Variants in ACSL4 observed in about 807,000 individuals in gnomAD.
The protein encoded by ACSL4 is long-chain-fatty-acid--CoA ligase 4.
A neutral mutation model predicts 49.1 loss-of-function variants in ACSL4; 9 were observed. The ratio of observed to expected loss-of-function variants is 0.18; its 90% confidence interval spans 0.11 to 0.32. ACSL4 has a LOEUF of 0.32. ACSL4 is among the 10% of genes least tolerant of loss of function. The pLI, the probability that ACSL4 is intolerant of heterozygous loss-of-function variation, is 1.00. For missense variants in ACSL4, 333 were observed against 493.7 expected (o/e 0.67, Z 3.08); for synonymous variants, 191 against 170.3 (o/e 1.12, Z -0.95).
intron 1 of ACSL4, among the ~76,000 whole-genome samples, chrX:109,712,802 T>C (rs1489386072): frequency 2.7e-5 from 3 of 110,729 alleles, no homozygotes; most frequent in Non-Finnish European, 3.8e-5. Context: ...TGGGGAAACC[T>C]TGTCTGTACA....
chrX:109,658,798 C>T (rs1921920412), intron 15 of ACSL4, among the ~76,000 whole-genome samples: 1 of 111,732 alleles, frequency 8.9e-6, no homozygotes, highest in Non-Finnish European at 1.9e-5. Flanking sequence ...CTCTCTATTG[C>T]TGTTAAGATT....
At chrX:109,661,696 TCTGA>T (rs1922193889) in intron 13 of ACSL4, 51 bp from the exon 14 acceptor site, 1 of 787,749 alleles carries the variant, frequency 1.3e-6, no homozygotes, top group African/African-American at 2.0e-5. Flanking sequence ...TATATGCAAT[TCTGA>T]CTGTCTTCTT....
Position 109,647,851 on chromosome X carries a change from G to T in ACSL4, c.1856-3665C>A, listed in dbSNP as rs868845064. ...AAATGATAAAGGGGATATCACCACC[G>T]ATCCCACAGAAATACAAACTACCAT... On this transcript the variant is annotated intron_variant, in intron 15 of 15. Transcript: ENST00000672401. Among the ~76,000 whole-genome samples the T allele has an allele frequency of 5.3e-3, 588 of 110,839 alleles. 6 individuals carry two copies. The highest frequency in any genetic ancestry group is 0.017 in the African/African-American group (505 of 30,473).
intron 1 of ACSL4, among the ~76,000 whole-genome samples, chrX:109,717,853 A>AT (rs35928030): frequency 2.8e-3 from 296 of 107,155 alleles, no homozygotes; most frequent in African/African-American, 9.3e-3. Context: ...TACACCTTTA[A>AT]TTTTTTTTTT....
At chrX:109,673,205 G>A (rs1452569657) in intron 9 of ACSL4, among the ~76,000 whole-genome samples, 1 of 111,786 alleles carries the variant, frequency 8.9e-6, no homozygotes, top group Non-Finnish European at 1.9e-5. Context: ...TTCTGAATGT[G>A]AAACAGTCCT....
intron 1 of ACSL4, among the ~76,000 whole-genome samples, chrX:109,706,042 G>A (rs1926332544): frequency 8.9e-6 from 1 of 112,469 alleles, no homozygotes; most frequent in East Asian, 2.8e-4. Flanking sequence ...CTTTTGAATA[G>A]GGGTATATAC....
intron 8 of ACSL4, 111 bp from the exon 9 acceptor site, chrX:109,674,584 G>T: frequency 1.8e-6 from 1 of 550,031 alleles, no homozygotes; most frequent in Non-Finnish European, 3.1e-6. Flanking sequence ...AGCTTTTATT[G>T]CTCTGTGATT....
Position 109,726,157 on chromosome X carries a change from C to T in ACSL4, c.-66+6982G>A, listed in dbSNP as rs1297045109. On this transcript the variant is annotated intron_variant, in intron 1 of 15. Transcript: ENST00000672401. ...CAAGCAGGCTTAGCACGGTGGCTCA[C>T]GCCTGTAATCCCAGCATTCTGGGAG... Among the ~76,000 whole-genome samples the T allele has an allele frequency of 1.7e-4, 19 of 112,549 alleles. 3 individuals carry two copies. The highest frequency in any genetic ancestry group is 1.1e-3 in the South Asian group (3 of 2,748).
chrX:109,673,024 T>C (rs1446361663), intron 9 of ACSL4, among the ~76,000 whole-genome samples: 9 of 111,614 alleles, frequency 8.1e-5, no homozygotes, highest in African/African-American at 2.9e-4. Flanking sequence ...GCACAGAACA[T>C]AGCCCCTCAA....
intron 8 of ACSL4, among the ~76,000 whole-genome samples, chrX:109,677,328 C>T (rs1333594396): frequency 9.1e-6 from 1 of 110,344 alleles, no homozygotes; most frequent in Non-Finnish European, 1.9e-5. Flanking sequence ...AGAAAAATCT[C>T]GGGAAAACTG....
intron 1 of ACSL4, among the ~76,000 whole-genome samples, chrX:109,729,500 C>T (rs1313337794): frequency 4.5e-5 from 5 of 111,902 alleles, no homozygotes; most frequent in Non-Finnish European, 9.4e-5. Flanking sequence ...TAAAATGGTA[C>T]AGCCACTCTG....
At chrX:109,679,427 A>T (rs1274694228) in intron 6 of ACSL4, among the ~76,000 whole-genome samples, 2 of 112,638 alleles carry the variant, frequency 1.8e-5, no homozygotes, top group Admixed American at 9.4e-5. Context: ...AATTATTTAC[A>T]TTTTTATATA....
In ACSL4 at chrX:109,644,149, T is replaced by A; in HGVS notation, c.1893A>T (p.Arg631=). The A allele has an allele frequency of 8.3e-7, 1 of 1,208,589 alleles. No individual in the cohort carries two copies. Among genetic ancestry groups the A allele is most frequent in the Non-Finnish European group, 1.1e-6 (1 of 893,777 alleles). The change falls in exon 16 of 16, where the codon CGA becomes CGT. Residue 631 remains arginine, a synonymous_variant. Coordinates refer to ENST00000672401, the MANE Select transcript of ACSL4 (RefSeq NM_001318510.2). ...CAGGGGTCCATGGCTCTGGGCTTAA[T>A]CGAACCTTGATTGGAATTTCAAATC... ...LERFEIPIKV[R]LSPEPWTPET... is the part of the protein sequence containing the mutation.
intron 1 of ACSL4, among the ~76,000 whole-genome samples, chrX:109,700,394 G>A (rs1447041943): frequency 3.8e-5 from 4 of 106,263 alleles, no homozygotes; most frequent in African/African-American, 1.0e-4. Flanking sequence ...TAAATTAGCC[G>A]GGCACCACGG....
At chrX:109,700,487 C>T (rs1238300292) in intron 1 of ACSL4, among the ~76,000 whole-genome samples, 1 of 99,434 alleles carries the variant, frequency 1.0e-5, no homozygotes, top group Non-Finnish European at 2.0e-5. Context: ...CAGTGAGCCA[C>T]GATTGCATCA....
chrX:109,693,878 G>A (rs187328992), intron 2 of ACSL4, among the ~76,000 whole-genome samples: 1 of 111,208 alleles, frequency 9.0e-6, no homozygotes, highest in South Asian at 3.8e-4. Flanking sequence ...TCCAAATCTA[G>A]ATGGGCTGCA....
chrX:109,669,350 C>G (rs1369066131), intron 9 of ACSL4, among the ~76,000 whole-genome samples, 177 bp from the exon 10 acceptor site: 1 of 110,596 alleles, frequency 9.0e-6, no homozygotes, highest in Non-Finnish European at 1.9e-5. Flanking sequence ...AGACTAAGGA[C>G]AGATATAGGG....
At chrX:109,707,602 C>T (rs1235487492) in intron 1 of ACSL4, among the ~76,000 whole-genome samples, 2 of 109,552 alleles carry the variant, frequency 1.8e-5, no homozygotes, top group Non-Finnish European at 3.8e-5. Context: ...GGACCAGTAC[C>T]GGTCCATGGT....
intron 2 of ACSL4, among the ~76,000 whole-genome samples, chrX:109,687,584 A>T (rs1184948570): frequency 9.0e-6 from 1 of 111,474 alleles, no homozygotes; most frequent in Non-Finnish European, 1.9e-5. Flanking sequence ...CAGGGGATGG[A>T]GGGCTAGGGG....
Sources: allele counts gnomAD v4.1 joint callset (sites outside exome capture counted in the v4.1 genomes callset), GRCh38; gene constraint gnomAD v4.1.1; transcripts MANE v1.5; gene names NCBI Gene and HGNC (gene_info 2026-07-23, HGNC 2026-07-21).